Variants in ITPR2 observed in about 807,000 individuals in gnomAD.
The protein encoded by ITPR2 is inositol 1,4,5-trisphosphate-gated calcium channel ITPR2.
A neutral mutation model predicts 317.1 loss-of-function variants in ITPR2; 207 were observed. The observed-to-expected ratio is 0.65, with a 90% CI of 0.58 to 0.73. The LOEUF (loss-of-function observed/expected upper bound fraction) is 0.73. Among genes scored for constraint, ITPR2 ranks in the 30% least tolerant of loss-of-function variants. The pLI, the probability that ITPR2 is intolerant of heterozygous loss-of-function variation, is 0.00. For synonymous variants in ITPR2, 1,156 were observed against 1,149.1 expected, an observed-to-expected ratio of 1.01 and a Z score of -0.12; for missense variants, 2,613 against 3,284.0, an observed-to-expected ratio of 0.80 and a Z score of 4.99.
intron 13 of ITPR2, among the ~76,000 whole-genome samples, chr12:26,680,698 A>G (rs1449148464): frequency 1.3e-5 from 2 of 152,210 alleles, no homozygotes; most frequent in Non-Finnish European, 1.5e-5. Flanking sequence ...GATGTAGTTC[A>G]TTTATTTTCA....
intron 45 of ITPR2, among the ~76,000 whole-genome samples, chr12:26,467,119 A>C (rs890076959): frequency 1.3e-5 from 2 of 152,234 alleles, no homozygotes; most frequent in African/African-American, 4.8e-5. Context: ...TCTGAGTGAT[A>C]GATACATTTC....
chr12:26,623,781 A>G (rs1946557642), intron 24 of ITPR2, among the ~76,000 whole-genome samples: 1 of 152,226 alleles, frequency 6.6e-6, no homozygotes, highest in Non-Finnish European at 1.5e-5. Context: ...AGAACAAACA[A>G]TATTAAAACA....
rs146754238 is a variant in ITPR2, at chr12:26,699,089, A to C, written c.952-3439T>G. 2.9e-3 allele frequency among the ~76,000 whole-genome samples: 436 copies of C among 152,100 alleles called. 2 individuals are homozygous for C. The highest frequency in any genetic ancestry group is 0.01 in the African/African-American group (418 of 41,496). On this transcript the variant is annotated intron_variant, in intron 9 of 56. Coordinates refer to ENST00000381340, the MANE Select transcript of ITPR2 (RefSeq NM_002223.4). ...ACATGTTCGACCAAGGATGTACCTTATGGCCCAAGTTTTCACTCAATACAC... is the reference window on the plus strand; with the variant it reads ...ACATGTTCGACCAAGGATGTACCTTCTGGCCCAAGTTTTCACTCAATACAC...
intron 55 of ITPR2, among the ~76,000 whole-genome samples, chr12:26,361,686 G>C (rs1435050889): frequency 6.6e-6 from 1 of 152,122 alleles, no homozygotes; most frequent in Non-Finnish European, 1.5e-5. Context: ...TCTCCTAAAG[G>C]AATAATCACC....
intron 55 of ITPR2, among the ~76,000 whole-genome samples, chr12:26,376,353 C>CCTCT (rs1939344357): frequency 6.6e-6 from 1 of 152,126 alleles, no homozygotes; most frequent in Non-Finnish European, 1.5e-5. Context: ...GAACCCTTTC[C>CCTCT]CTCTCCCCAG....
Position 26,681,871 on chromosome 12 carries a change from T to TTCTC in ITPR2, c.1409+2_1409+3insGAGA. 2 of 1,596,510 alleles carry TTCTC rather than the reference T, an allele frequency of 1.3e-6. No homozygotes were observed. The highest frequency in any genetic ancestry group is 1.7e-6 in the Non-Finnish European group (2 of 1,166,278). On this transcript the variant is annotated splice_region_variant and intron_variant, in intron 13 of 56. Transcript: ENST00000381340. ...ATTATTTAAGACCAATTTAAAGAGT[T>TTCTC]ACCTCCTTTCATTCTGAGTTATTGT...
intron 1 of ITPR2, among the ~76,000 whole-genome samples, chr12:26,816,464 C>T (rs1277544261): frequency 2.0e-5 from 3 of 152,120 alleles, no homozygotes; most frequent in Admixed American, 6.5e-5. Context: ...CCAGGTTTGT[C>T]GGAACCAAAA....
At chr12:26,517,153 T>G (rs1331178874) in intron 37 of ITPR2, among the ~76,000 whole-genome samples, 1 of 152,002 alleles carries the variant, frequency 6.6e-6, no homozygotes, top group Admixed American at 6.6e-5. Context: ...TAAAGAGAAT[T>G]TCTGAAAAAC....
chr12:26,795,845 C>T (rs533857541), intron 1 of ITPR2, among the ~76,000 whole-genome samples: 25 of 152,084 alleles, frequency 1.6e-4, no homozygotes, highest in African/African-American at 5.8e-4. Flanking sequence ...ATTAGCAGGG[C>T]GTGGTGGCAC....
intron 37 of ITPR2, among the ~76,000 whole-genome samples, chr12:26,541,445 C>T (rs1944259433): frequency 6.6e-6 from 1 of 152,074 alleles, no homozygotes; most frequent in Non-Finnish European, 1.5e-5. Context: ...ACTTATATTA[C>T]AAAACAAATG....
At chr12:26,786,449 T>TTAAAAAAAAAAAA in intron 2 of ITPR2, among the ~76,000 whole-genome samples, 1 of 119,226 alleles carries the variant, frequency 8.4e-6, no homozygotes, top group African/African-American at 3.7e-5. Flanking sequence ...GAATGATCAA[T>TTAAAAAAAAAAAA]AAAAAAAAAA....
chr12:26,784,213 C>T (rs1402536917), intron 2 of ITPR2, among the ~76,000 whole-genome samples: 1 of 151,154 alleles, frequency 6.6e-6, no homozygotes, highest in African/African-American at 2.4e-5. Context: ...AGTACAGCTA[C>T]ATTTATTCCA....
intron 55 of ITPR2, among the ~76,000 whole-genome samples, chr12:26,341,715 G>C (rs1178309100): frequency 6.6e-6 from 1 of 152,222 alleles, no homozygotes; most frequent in Non-Finnish European, 1.5e-5. Context: ...CAATCCTTCA[G>C]CATCTATTGT....
chr12:26,427,472 A>G (rs910167358), intron 49 of ITPR2, among the ~76,000 whole-genome samples: 1 of 152,188 alleles, frequency 6.6e-6, no homozygotes, highest in African/African-American at 2.4e-5. Flanking sequence ...AACCCAATTT[A>G]ATATTTTCTC....
At chr12:26,586,212 T>G (rs1371453056) in intron 32 of ITPR2, among the ~76,000 whole-genome samples, 1 of 152,126 alleles carries the variant, frequency 6.6e-6, no homozygotes, top group Non-Finnish European at 1.5e-5. Context: ...GGGCATGATC[T>G]CGGCTCACTA....
chr12:26,482,143 G>A (rs759919638), intron 42 of ITPR2, among the ~76,000 whole-genome samples: 1 of 152,068 alleles, frequency 6.6e-6, no homozygotes, highest in African/African-American at 2.4e-5. Context: ...TTCATACAAC[G>A]GAGTTTTTAT....
intron 32 of ITPR2, among the ~76,000 whole-genome samples, chr12:26,591,061 C>T (rs1945687171): frequency 9.2e-6 from 1 of 109,018 alleles, no homozygotes; most frequent in Admixed American, 1.4e-4. Context: ...GCCTGGGTGA[C>T]AGAGTGAGAC....
chr12:26,816,121 A>G (rs1950848123), intron 1 of ITPR2, among the ~76,000 whole-genome samples: 1 of 149,292 alleles, frequency 6.7e-6, no homozygotes, highest in Non-Finnish European at 1.5e-5. Flanking sequence ...AAAAAGGTGT[A>G]CTGCAAAATG....
At chr12:26,806,554 C>T (rs1321469410) in intron 1 of ITPR2, among the ~76,000 whole-genome samples, 3 of 152,184 alleles carry the variant, frequency 2.0e-5, no homozygotes, top group Non-Finnish European at 4.4e-5. Context: ...CCCTTCACTA[C>T]GTCTTAAGGG....
Sources: gnomAD v4.1 joint callset for allele counts (sites outside exome capture counted in the v4.1 genomes callset) on GRCh38, gnomAD v4.1.1 for gene constraint, MANE v1.5 for transcripts, NCBI Gene and HGNC (gene_info 2026-07-23, HGNC 2026-07-21) for gene names.